Variants in PDE4D observed in about 807,000 individuals in gnomAD.
The protein encoded by PDE4D is 3',5'-cyclic-AMP phosphodiesterase 4D.
Under a neutral mutation model 87.4 loss-of-function variants are expected in PDE4D, and 24 were observed. The ratio of observed to expected loss-of-function variants is 0.27; its 90% CI spans 0.20 to 0.39. The LOEUF (loss-of-function observed/expected upper bound fraction) is 0.39, where lower values mean the gene tolerates loss of function less well. PDE4D is among the 10% of genes least tolerant of loss of function. PDE4D has a pLI of 1.00. For synonymous variants in PDE4D, 384 were observed against 383.2 expected (o/e 1.00, Z -0.02); for missense variants, 714 against 1,041.0 (o/e 0.69, Z 4.32).
intron 1 of PDE4D, among the ~76,000 whole-genome samples, chr5:59,323,273 A>G (rs1208683425): frequency 6.6e-6 from 1 of 152,012 alleles, no homozygotes; most frequent in East Asian, 1.9e-4. Flanking sequence ...GAGAGAGGCA[A>G]TTTCTTCTTT....
At chr5:60,015,095 T>C (rs1443367349) in intron 2 of PDE4D, among the ~76,000 whole-genome samples, 2 of 152,176 alleles carry the variant, frequency 1.3e-5, no homozygotes, top group Non-Finnish European at 2.9e-5. Context: ...CTCATCAATG[T>C]ATGTTGCAGG....
chr5:60,302,021 G>A (rs186562900), intron 1 of PDE4D, among the ~76,000 whole-genome samples: 1 of 152,134 alleles, frequency 6.6e-6, no homozygotes. Flanking sequence ...CAGAGATGAA[G>A]CCAACTTGAT....
chr5:60,154,082 C>A (rs995616557), intron 2 of PDE4D, among the ~76,000 whole-genome samples: 1 of 152,028 alleles, frequency 6.6e-6, no homozygotes, highest in Non-Finnish European at 1.5e-5. Context: ...AGATTTGTTT[C>A]AATAATAAAT....
intron 1 of PDE4D, among the ~76,000 whole-genome samples, chr5:59,265,592 C>A (rs939742518): frequency 6.6e-6 from 1 of 152,100 alleles, no homozygotes; most frequent in African/African-American, 2.4e-5. Context: ...TGGTCACTCA[C>A]AAGGAGCCAG....
intron 1 of PDE4D, among the ~76,000 whole-genome samples, chr5:59,381,907 TA>T (rs1785946623): frequency 6.6e-6 from 1 of 152,144 alleles, no homozygotes; most frequent in South Asian, 2.1e-4. Flanking sequence ...TGCACAATAA[TA>T]GGAGAAAACA....
chr5:59,103,490 CAA>C (rs11448342), intron 5 of PDE4D, among the ~76,000 whole-genome samples: 37 of 142,378 alleles, frequency 2.6e-4, no homozygotes, highest in African/African-American at 9.3e-4. Flanking sequence ...CTTAAAAAAG[CAA>C]AAAAAAAAAA....
chr5:59,774,667 T>A (rs1487133280), intron 1 of PDE4D, among the ~76,000 whole-genome samples: 1 of 151,676 alleles, frequency 6.6e-6, no homozygotes, highest in Non-Finnish European at 1.5e-5. Context: ...CAACTTACAA[T>A]GGCATTTTTT....
intron 1 of PDE4D, among the ~76,000 whole-genome samples, chr5:59,306,083 ATAT>A (rs1771291007): frequency 6.6e-6 from 1 of 152,120 alleles, no homozygotes; most frequent in Non-Finnish European, 1.5e-5. Flanking sequence ...TGTTAAGTGA[ATAT>A]ATGTTTAGCA....
At chr5:59,252,557 T>C (rs1359124603) in intron 1 of PDE4D, among the ~76,000 whole-genome samples, 1 of 152,090 alleles carries the variant, frequency 6.6e-6, no homozygotes, top group Non-Finnish European at 1.5e-5. Flanking sequence ...GGGGTCTTGC[T>C]GTCACCCAGG....
chr5:59,574,221 G>GTGCCGT (rs1268496359), intron 1 of PDE4D, among the ~76,000 whole-genome samples: 10 of 134,404 alleles, frequency 7.4e-5, no homozygotes, highest in Admixed American at 6.7e-4. Context: ...GAGGATTCTG[G>GTGCCGT]TGCCGTTTGT....
At chr5:59,388,420 A>T (rs1410448301) in intron 1 of PDE4D, among the ~76,000 whole-genome samples, 1 of 152,126 alleles carries the variant, frequency 6.6e-6, no homozygotes, top group African/African-American at 2.4e-5. Context: ...CATTATGGAA[A>T]ACAGCATCGA....
intron 1 of PDE4D, among the ~76,000 whole-genome samples, chr5:59,716,314 C>G (rs554774417): frequency 6.6e-6 from 1 of 152,228 alleles, no homozygotes; most frequent in Admixed American, 6.5e-5. Context: ...GCTCATGGCT[C>G]ATGGCCAGAG....
At chr5:59,488,891 C>G (rs1252744051) in intron 1 of PDE4D, among the ~76,000 whole-genome samples, 1 of 151,930 alleles carries the variant, frequency 6.6e-6, no homozygotes, top group East Asian at 1.9e-4. Flanking sequence ...TCTGTGCTTT[C>G]CAACTGAGAT....
At position 60,312,915 on chromosome 5, in the gene PDE4D, T is replaced by C. The variant is rs570254752; in HGVS notation, c.-89-127228A>G. 7.9e-5 allele frequency among the ~76,000 whole-genome samples: 12 copies of C among 152,220 alleles called. No individual in the cohort carries two copies. In the South Asian group the frequency reaches 2.3e-3, roughly 29 times the overall value. On this transcript the variant is annotated intron_variant, in intron 1 of 16. Coordinates refer to the PDE4D transcript ENST00000502484. The stretch of plus-strand genomic sequence containing the variant: ...ACAAGATACCAGAATCTCTATCTTA[T>C]CAATATTAAAGCAGTGTTAAGAGGA...
chr5:60,408,734 A>C (rs1027153608), intron 1 of PDE4D, among the ~76,000 whole-genome samples: 2 of 152,206 alleles, frequency 1.3e-5, no homozygotes, highest in African/African-American at 4.8e-5. Flanking sequence ...TTTAAGAGGC[A>C]GTGCTAGCCC....
intron 1 of PDE4D, among the ~76,000 whole-genome samples, chr5:59,565,837 A>C (rs1820794106): frequency 6.6e-6 from 1 of 152,176 alleles, no homozygotes; most frequent in Admixed American, 6.5e-5. Flanking sequence ...ACCTCCCCTC[A>C]TATGAGAATT....
chr5:59,560,804 G>A (rs1437020511), intron 1 of PDE4D: 1 of 152,216 alleles, frequency 6.6e-6, no homozygotes, highest in African/African-American at 2.4e-5. Context: ...AGTCTTAATG[G>A]GACATGGCAA....
chr5:59,539,054 C>T (rs905835050), intron 1 of PDE4D, among the ~76,000 whole-genome samples: 1 of 152,170 alleles, frequency 6.6e-6, no homozygotes, highest in African/African-American at 2.4e-5. Context: ...ATCCTATATT[C>T]TGCCTCATCC....
intron 1 of PDE4D, among the ~76,000 whole-genome samples, chr5:59,419,662 T>A (rs1794166959): frequency 6.6e-6 from 1 of 152,200 alleles, no homozygotes; most frequent in South Asian, 2.1e-4. Flanking sequence ...GTACAACAGT[T>A]TTTTTACTGA....
Sources: gnomAD v4.1 joint callset for allele counts (sites outside exome capture counted in the v4.1 genomes callset) on GRCh38, gnomAD v4.1.1 for gene constraint, MANE v1.5 for transcripts, NCBI Gene and HGNC (gene_info 2026-07-23, HGNC 2026-07-21) for gene names.